The following EYS variants were observed in gnomAD, a reference collection of about 807,000 sequenced individuals.
EYS encodes protein eyes shut homolog.
EYS carries 250 observed loss-of-function variants against 282.1 expected under a neutral mutation model. The ratio of observed to expected loss-of-function variants is 0.89; its 90% CI spans 0.80 to 0.98. EYS has a LOEUF of 0.98. Ranked by LOEUF, EYS falls within the 50% of genes least tolerant of loss-of-function variation. EYS has a pLI of 0.00. For missense variants in EYS, 4,016 were observed against 3,709.0 expected, an observed-to-expected ratio of 1.08 and a Z score of -2.15; for synonymous variants, 1,355 against 1,282.9, an observed-to-expected ratio of 1.06 and a Z score of -1.20.
intron 11 of EYS, among the ~76,000 whole-genome samples, chr6:65,326,231 G>T (rs1350364435): frequency 1.3e-5 from 2 of 151,444 alleles, no homozygotes; most frequent in Non-Finnish European, 2.9e-5. Context: ...CTTGTGTCAC[G>T]TTTAGAAAAG....
intron 12 of EYS, among the ~76,000 whole-genome samples, chr6:65,249,651 T>C (rs1215571387): frequency 1.3e-5 from 2 of 151,952 alleles, no homozygotes; most frequent in African/African-American, 4.8e-5. Flanking sequence ...GTATAAAAAT[T>C]GTTGGAAATT....
chr6:64,928,988 C>T (rs1768611188), intron 15 of EYS, among the ~76,000 whole-genome samples: 1 of 152,114 alleles, frequency 6.6e-6, no homozygotes, highest in South Asian at 2.1e-4. Flanking sequence ...ACTCAGGAGA[C>T]ATCAGAAGGT....
At chr6:63,757,371 C>T (rs910024267) in intron 41 of EYS, among the ~76,000 whole-genome samples, 18 of 152,092 alleles carry the variant, frequency 1.2e-4, no homozygotes, top group African/African-American at 3.4e-4. Flanking sequence ...GACTGGTTCT[C>T]TGCTCTGAAA....
intron 8 of EYS, among the ~76,000 whole-genome samples, chr6:65,383,929 C>T (rs1155669): frequency 0.41 from 62,661 of 151,476 alleles, 13,953 homozygotes; most frequent in South Asian, 0.5. Flanking sequence ...ATAGACATAC[C>T]TACAAGTAAC....
intron 41 of EYS, chr6:63,741,764 C>A: frequency 1.8e-6 from 1 of 551,440 alleles, no homozygotes; most frequent in Admixed American, 2.7e-5. Flanking sequence ...TAAGAGACCC[C>A]GTTCAATCTG....
chr6:65,305,504 G>A (rs1324614957), intron 11 of EYS, among the ~76,000 whole-genome samples: 1 of 152,226 alleles, frequency 6.6e-6, no homozygotes, highest in African/African-American at 2.4e-5. Context: ...GAGCAGCTCA[G>A]GAAGCCTGTA....
chr6:64,895,492 A>T (rs1767432741), intron 18 of EYS, among the ~76,000 whole-genome samples: 1 of 152,192 alleles, frequency 6.6e-6, no homozygotes, highest in East Asian at 1.9e-4. Flanking sequence ...TTTTAACAGA[A>T]GAAATTGCCA....
At chr6:64,798,662 T>A in intron 22 of EYS, among the ~76,000 whole-genome samples, 1 of 139,498 alleles carries the variant, frequency 7.2e-6, no homozygotes. Context: ...CATTAATAAC[T>A]CCTGGTGAGT....
intron 14 of EYS, among the ~76,000 whole-genome samples, chr6:64,951,563 T>C (rs1399172726): frequency 1.3e-5 from 2 of 151,966 alleles, no homozygotes; most frequent in Non-Finnish European, 1.5e-5. Context: ...ATACTGTGAT[T>C]ATTGGATAGA....
chr6:65,388,052 G>A (rs1765867748), intron 7 of EYS, among the ~76,000 whole-genome samples: 1 of 151,956 alleles, frequency 6.6e-6, no homozygotes, highest in South Asian at 2.1e-4. Flanking sequence ...ACTTGTGTGG[G>A]CATAGACAAA....
At chr6:64,488,833 G>C (rs1206122986) in intron 26 of EYS, among the ~76,000 whole-genome samples, 1 of 150,898 alleles carries the variant, frequency 6.6e-6, no homozygotes, top group Non-Finnish European at 1.5e-5. Flanking sequence ...CAACCTTTCT[G>C]TGCTTCTTTG....
chr6:64,983,073 C>T (rs185286038), intron 14 of EYS, among the ~76,000 whole-genome samples: 21 of 151,164 alleles, frequency 1.4e-4, no homozygotes, highest in South Asian at 2.1e-4. Flanking sequence ...AATTTCATGT[C>T]GGTTTTATTT....
At chr6:64,997,761 T>C (rs554315246) in intron 13 of EYS, 58 bp from the exon 14 acceptor site, 22 of 1,458,878 alleles carry the variant, frequency 1.5e-5, no homozygotes, top group Middle Eastern at 1.8e-4. Flanking sequence ...GTACAGGTAA[T>C]TATAATTAGT....
intron 12 of EYS, among the ~76,000 whole-genome samples, chr6:65,196,256 A>T (rs1299426086): frequency 6.6e-6 from 1 of 152,032 alleles, no homozygotes; most frequent in African/African-American, 2.4e-5. Flanking sequence ...ACTCTTTAAT[A>T]GGATTCACTT....
intron 2 of EYS, among the ~76,000 whole-genome samples, chr6:65,496,599 A>G (rs997786175): frequency 6.6e-6 from 1 of 152,062 alleles, no homozygotes; most frequent in Non-Finnish European, 1.5e-5. Flanking sequence ...TCCACTTTCA[A>G]ATAGGTACAC....
intron 35 of EYS, among the ~76,000 whole-genome samples, chr6:63,959,225 AAAG>A (rs1300163561): frequency 6.6e-6 from 1 of 152,218 alleles, no homozygotes; most frequent in Non-Finnish European, 1.5e-5. Flanking sequence ...ACAACTCTCA[AAAG>A]AAGACATCTA....
chr6:63,928,920 G>A (rs1342170666), intron 35 of EYS, among the ~76,000 whole-genome samples: 3 of 152,150 alleles, frequency 2.0e-5, no homozygotes, highest in African/African-American at 7.2e-5. Flanking sequence ...TAAACGAAGA[G>A]TTTCTGTTGG....
intron 30 of EYS, among the ~76,000 whole-genome samples, chr6:64,246,045 A>AT (rs1767007657): frequency 7.2e-6 from 1 of 139,616 alleles, no homozygotes; most frequent in African/African-American, 2.6e-5. Flanking sequence ...AAAAAAAAAA[A>AT]AGAATTTTGG....
chr6:65,460,330 G>A (rs1053525165), intron 5 of EYS, among the ~76,000 whole-genome samples: 4 of 151,622 alleles, frequency 2.6e-5, no homozygotes, highest in African/African-American at 4.8e-5. Context: ...TACTATAAAT[G>A]TTTGCATTGT....
Sources: allele counts gnomAD v4.1 joint callset (sites outside exome capture counted in the v4.1 genomes callset), GRCh38; gene constraint gnomAD v4.1.1; transcripts MANE v1.5; gene names NCBI Gene and HGNC (gene_info 2026-07-23, HGNC 2026-07-21).